The following TPM4 variants were observed in gnomAD, a reference collection of about 807,000 sequenced individuals.
TPM4 encodes tropomyosin 4, also known as tropomyosin alpha-4 chain.
A neutral mutation model predicts 35.8 loss-of-function variants in TPM4; 17 were observed. The ratio of observed to expected loss-of-function variants is 0.47; its 90% CI spans 0.32 to 0.71. The LOEUF is 0.71. Ranked by LOEUF, TPM4 falls within the 30% of genes least tolerant of loss-of-function variation. The pLI, the probability that TPM4 is intolerant of heterozygous loss-of-function variation, is 0.03. For missense variants in TPM4, 240 were observed against 320.9 expected, an observed-to-expected ratio of 0.75 and a Z score of 1.93; for synonymous variants, 120 against 122.9, an observed-to-expected ratio of 0.98 and a Z score of 0.15.
intron 2 of TPM4, among the ~76,000 whole-genome samples, chr19:16,083,352 G>A (rs576708219): frequency 2.6e-5 from 4 of 152,230 alleles, no homozygotes; most frequent in African/African-American, 9.6e-5. Flanking sequence ...GCTAAGGCAA[G>A]ATCCCCCAGC....
intron 2 of TPM4, among the ~76,000 whole-genome samples, chr19:16,068,788 CCTTT>C (rs1456391252): frequency 6.6e-6 from 1 of 151,656 alleles, no homozygotes; most frequent in Non-Finnish European, 1.5e-5. Flanking sequence ...TGTGTTTGAG[CCTTT>C]CTGTGTGTGC....
At chr19:16,088,833 C>T (rs2090591089) in intron 4 of TPM4, 3 of 1,350,900 alleles carry the variant, frequency 2.2e-6, no homozygotes, top group Non-Finnish European at 1.9e-6. Flanking sequence ...TCTTCGGGCG[C>T]ACCTCGCCTC....
intron 6 of TPM4, 37 bp from the exon 7 acceptor site, chr19:16,093,647 T>C (rs538240522): frequency 3.7e-6 from 6 of 1,614,240 alleles, no homozygotes; most frequent in Admixed American, 1.7e-5. Flanking sequence ...GGGGCTGGTC[T>C]TGAAGCCATG....
intron 3 of TPM4, among the ~76,000 whole-genome samples, chr19:16,087,137 C>T (rs1386853656): frequency 6.6e-6 from 1 of 151,990 alleles, no homozygotes; most frequent in African/African-American, 2.4e-5. Flanking sequence ...TAATAATTAG[C>T]TGGGTGTGGT....
intron 7 of TPM4, chr19:16,095,304 C>T (rs564881640): frequency 1.9e-5 from 20 of 1,036,450 alleles, no homozygotes; most frequent in African/African-American, 1.0e-4. Context: ...AAGCTATCAG[C>T]GAGGAACTGG....
At chr19:16,101,127 C>T (rs971964238) in intron 7 of TPM4, 137 bp from the exon 8 acceptor site, 21 of 607,948 alleles carry the variant, frequency 3.5e-5, no homozygotes, top group African/African-American at 2.3e-4. Context: ...GCCAAGATCG[C>T]GCCACTGCAC....
At chr19:16,093,880 A>G (rs976997694) in intron 7 of TPM4, 127 bp downstream of exon 7, 11 of 922,392 alleles carry the variant, frequency 1.2e-5, no homozygotes, top group Non-Finnish European at 1.7e-5. Context: ...AGTAAAGCGC[A>G]TAGTGATGTC....
rs138745777 is a variant in TPM4 at position 16,079,997 on chromosome 19, C to T, written c.133-1916C>T. The T allele has an allele frequency of 8.4e-4, 153 of 181,708 alleles. 1 individual carries two copies. The highest frequency in any genetic ancestry group is 3.4e-3 in the African/African-American group (143 of 42,516). 11.3% of individuals were successfully genotyped at this position (181,708 alleles called of 1,614,324 possible). A position where few individuals can be genotyped will look rare whatever the true frequency, so the allele number is the denominator to read the frequency against. ...GATTACGGATGTGAGCCACCGCGCC[C>T]GGCCTTCCTAATAATTTTGATAGCC... On this transcript the variant is annotated intron_variant, in intron 1 of 7. Coordinates refer to ENST00000643579, the MANE Select transcript of TPM4 (RefSeq NM_003290.3).
intron 7 of TPM4, among the ~76,000 whole-genome samples, chr19:16,096,469 C>T (rs2090698676): frequency 6.6e-6 from 1 of 152,214 alleles, no homozygotes; most frequent in East Asian, 1.9e-4. Flanking sequence ...AACCAGCAAG[C>T]CTGTGTCAAA....
chr19:16,080,603 G>C (rs772987155), intron 1 of TPM4, among the ~76,000 whole-genome samples: 3 of 152,182 alleles, frequency 2.0e-5, no homozygotes, highest in Non-Finnish European at 4.4e-5. Flanking sequence ...GTGAGGCCAG[G>C]AGTTTGAGAC....
chr19:16,093,437 A>G (rs1599381506), intron 5 of TPM4, 99 bp from the exon 6 acceptor site: 2 of 1,364,484 alleles, frequency 1.5e-6, no homozygotes, highest in Admixed American at 3.5e-5. Context: ...CTTGTGATCC[A>G]CCAGCCTCAG....
Position 16,078,830 on chromosome 19 carries a change from TAAAAAA to T in TPM4, c.132+2147_132+2152del, listed in dbSNP as rs55714667. 3.2e-5 allele frequency among the ~76,000 whole-genome samples: 4 copies of T among 126,394 alleles called. No individual in the cohort carries two copies. In the East Asian group the frequency reaches 9.5e-4, roughly 30 times the overall value. The allele number at this position is 126,394 out of a possible 152,430, so 82.9% of individuals were successfully genotyped here. ...AAAGGAACTAAGACCAGGGGTGGGT[TAAAAAA>T]AAAAAAAAAAAAACCTTTCACTCTT... On this transcript the variant is annotated intron_variant, in intron 1 of 7. Transcript: ENST00000643579.
In TPM4 at chr19:16,076,663, G is replaced by T; in HGVS notation, c.98G>T (p.Arg33Leu). Residue 33 changes from arginine (R) to leucine (L), a missense_variant, in exon 1 of 8, where the codon CGG (arginine) becomes CTG (leucine). Physicochemically the swap from Arg to Leu is moderately radical, Grantham distance 102. Transcript: ENST00000643579. ...GAAGACCGCGCGCAGGGCCTGCAGC[G>T]GGAGCTGGACGGCGAGCGCGAGCGG... ...EAEDRAQGLQ[R>L]ELDGERERRE... The T allele has an allele frequency of 1.4e-6, 2 of 1,423,116 alleles. No individual in the cohort carries two copies. Among genetic ancestry groups the T allele is most frequent in the South Asian group, 1.4e-5 (1 of 71,732 alleles). 88.2% of individuals were successfully genotyped at this position (1,423,116 alleles called of 1,614,324 possible). A position where few individuals can be genotyped will look rare whatever the true frequency, so the allele number is the denominator to read the frequency against.
intron 2 of TPM4, among the ~76,000 whole-genome samples, chr19:16,068,872 C>A (rs763558951): frequency 2.0e-5 from 3 of 151,976 alleles, no homozygotes; most frequent in Non-Finnish European, 2.9e-5. Flanking sequence ...GAAAAGAGTG[C>A]GGAGGGGTAA....
At chr19:16,097,448 A>G (rs1195111315) in intron 7 of TPM4, among the ~76,000 whole-genome samples, 1 of 151,632 alleles carries the variant, frequency 6.6e-6, no homozygotes, top group Non-Finnish European at 1.5e-5. Flanking sequence ...CTAATTTTGT[A>G]TTTTTAGTAG....
chr19:16,097,319 C>T (rs968027275), intron 7 of TPM4, among the ~76,000 whole-genome samples: 2 of 145,746 alleles, frequency 1.4e-5, no homozygotes, highest in African/African-American at 2.5e-5. Flanking sequence ...TTGTTGCCCA[C>T]GCTGGAGTGC....
intron 5 of TPM4, among the ~76,000 whole-genome samples, chr19:16,089,609 T>C (rs960473628): frequency 6.6e-6 from 1 of 152,016 alleles, no homozygotes; most frequent in Non-Finnish European, 1.5e-5. Flanking sequence ...TCCTCATTCT[T>C]GCTCCTGCTT....
chr19:16,088,224 T>C, intron 4 of TPM4, 127 bp downstream of exon 4: 1 of 1,440,344 alleles, frequency 6.9e-7, no homozygotes, highest in African/African-American at 1.4e-5. Flanking sequence ...CAGGGGCTCA[T>C]GGCTCATCTT....
intron 4 of TPM4, chr19:16,088,499 A>T: frequency 9.5e-7 from 1 of 1,057,232 alleles, no homozygotes; most frequent in Non-Finnish European, 1.1e-6. Flanking sequence ...GCCGTGACAC[A>T]TTCCTGGCGG....
Sources: gnomAD v4.1 joint callset for allele counts (sites outside exome capture counted in the v4.1 genomes callset) on GRCh38, gnomAD v4.1.1 for gene constraint, MANE v1.5 for transcripts, NCBI Gene and HGNC (gene_info 2026-07-23, HGNC 2026-07-21) for gene names.